The following COL6A5 variants were observed in gnomAD, a reference collection of about 807,000 sequenced individuals.
COL6A5 encodes collagen alpha-5(VI) chain.
In COL6A5, 48 loss-of-function variants were observed where a neutral mutation model predicts 65.6. The observed-to-expected ratio is 0.73, with a 90% CI of 0.58 to 0.93. The LOEUF is 0.93. COL6A5 is among the 40% of genes least tolerant of loss of function. The pLI, the probability that COL6A5 is intolerant of heterozygous loss-of-function variation, is 0.00. For missense variants in COL6A5, 914 were observed against 928.3 expected, an observed-to-expected ratio of 0.98 and a Z score of 0.20; for synonymous variants, 291 against 322.8, an observed-to-expected ratio of 0.90 and a Z score of 1.05.
At chr3:130,356,159 G>A (rs1170592758) in intron 1 of COL6A5, among the ~76,000 whole-genome samples, 3 of 152,034 alleles carry the variant, frequency 2.0e-5, no homozygotes, top group East Asian at 1.9e-4. Flanking sequence ...CAGTGATGGC[G>A]CAAGCGATAA....
chr3:130,362,314 ATATATATATATATTTTTTTTTTTTT>A (rs1935158143), intron 1 of COL6A5, among the ~76,000 whole-genome samples: 1 of 15,508 alleles, frequency 6.4e-5, no homozygotes, highest in African/African-American at 1.7e-4. Context: ...ATATATATAT[ATATATATATATATTTTTTTTTTTTT>A]TTTTTTTTGC....
intron 7 of COL6A5, among the ~76,000 whole-genome samples, chr3:130,477,695 G>A (rs533995913): frequency 3.9e-5 from 6 of 152,022 alleles, no homozygotes; most frequent in Non-Finnish European, 7.4e-5. Context: ...AAATTCTGGA[G>A]GTGGAGCCTC....
chr3:130,482,865 G>C (rs1404969166), intron 7 of COL6A5, among the ~76,000 whole-genome samples: 1 of 152,052 alleles, frequency 6.6e-6, no homozygotes, highest in Non-Finnish European at 1.5e-5. Context: ...TTGGTGTAAA[G>C]AAATGCTTGT....
At chr3:130,481,940 T>A (rs1577552550) in intron 7 of COL6A5, among the ~76,000 whole-genome samples, 1 of 152,332 alleles carries the variant, frequency 6.6e-6, no homozygotes, top group Middle Eastern at 3.4e-3. Context: ...AGATTCTAGG[T>A]ATTAGCCCTT....
At chr3:130,398,718 T>C (rs1450643733) in intron 10 of COL6A5, among the ~76,000 whole-genome samples, 1 of 152,072 alleles carries the variant, frequency 6.6e-6, no homozygotes, top group African/African-American at 2.4e-5. Context: ...ACGTTGGTGG[T>C]GGGGGCAGGG....
intron 4 of COL6A5, among the ~76,000 whole-genome samples, chr3:130,382,498 G>A (rs539883865): frequency 1.6e-4 from 25 of 152,216 alleles, no homozygotes; most frequent in African/African-American, 6.0e-4. Flanking sequence ...CTTTTGAGGA[G>A]CTTGTTAATA....
chr3:130,399,925 T>G (rs1225862018), intron 10 of COL6A5, among the ~76,000 whole-genome samples: 4 of 151,512 alleles, frequency 2.6e-5, no homozygotes, highest in Non-Finnish European at 5.9e-5. Context: ...GCTAAATTTT[T>G]TTTGTATTTT....
chr3:130,351,692 CT>C (rs1352366137), intron 1 of COL6A5, among the ~76,000 whole-genome samples: 1 of 152,194 alleles, frequency 6.6e-6, no homozygotes, highest in Non-Finnish European at 1.5e-5. Flanking sequence ...AATAGGAACA[CT>C]TTTACACTGT....
chr3:130,369,931 C>T (rs374735640), intron 1 of COL6A5, among the ~76,000 whole-genome samples: 22 of 152,256 alleles, frequency 1.4e-4, no homozygotes, highest in African/African-American at 5.3e-4. Flanking sequence ...CTTTGAATTC[C>T]CAGTCAGCCT....
chr3:130,353,097 C>T (rs552682620), intron 1 of COL6A5, among the ~76,000 whole-genome samples: 2 of 152,224 alleles, frequency 1.3e-5, no homozygotes, highest in East Asian at 1.9e-4. Context: ...TAGCTGACTG[C>T]AAAATAAATC....
At chr3:130,411,995 A>C (rs891658159) in intron 20 of COL6A5, among the ~76,000 whole-genome samples, 2 of 152,190 alleles carry the variant, frequency 1.3e-5, no homozygotes, top group Non-Finnish European at 2.9e-5. Context: ...AGTGGATGAT[A>C]AATTTTAAAC....
intron 7 of COL6A5, among the ~76,000 whole-genome samples, chr3:130,482,629 T>G (rs1377904742): frequency 6.6e-6 from 1 of 152,168 alleles, no homozygotes; most frequent in African/African-American, 2.4e-5. Flanking sequence ...TATAAATTAC[T>G]TTGGTCAGTA....
At chr3:130,398,089 A>C (rs1301045490) in exon 10 of COL6A5, 1 of 1,549,268 alleles carries the variant, frequency 6.5e-7, no homozygotes, top group Admixed American at 2.0e-5. Flanking sequence ...TTGAAAATCA[A>C]TCAGACAGGC....
At chr3:130,444,343 C>A (rs1336910429) in intron 4 of COL6A5, among the ~76,000 whole-genome samples, 1 of 151,802 alleles carries the variant, frequency 6.6e-6, no homozygotes, top group Non-Finnish European at 1.5e-5. Flanking sequence ...TAAAGACAGG[C>A]ATAGGAAATC....
At chr3:130,378,378 A>G (rs1263950664) in intron 3 of COL6A5, among the ~76,000 whole-genome samples, 1 of 152,126 alleles carries the variant, frequency 6.6e-6, no homozygotes, top group East Asian at 1.9e-4. Flanking sequence ...CATGCAATTT[A>G]TCCAGCTTTC....
intron 7 of COL6A5, chr3:130,477,009 C>A: frequency 9.1e-7 from 1 of 1,093,886 alleles, no homozygotes. Context: ...GACTGAGAAT[C>A]ACTGAGTTGT....
At chr3:130,349,489 T>G (rs1431457838) in intron 1 of COL6A5, among the ~76,000 whole-genome samples, 1 of 152,220 alleles carries the variant, frequency 6.6e-6, no homozygotes, top group East Asian at 1.9e-4. Flanking sequence ...CTAGTAGTTA[T>G]GATTATGTAA....
chr3:130,409,473 C>A, intron 18 of COL6A5, 85 bp downstream of exon 18: 40 of 1,154,888 alleles, frequency 3.5e-5, no homozygotes, highest in Non-Finnish European at 4.6e-5. Context: ...TCCTGCCTAC[C>A]CTGTAGGCAA....
At chr3:130,391,906 G>A (rs1289677665) in intron 7 of COL6A5, among the ~76,000 whole-genome samples, 152 bp downstream of exon 7, 1 of 152,114 alleles carries the variant, frequency 6.6e-6, no homozygotes, top group Non-Finnish European at 1.5e-5. Context: ...AAAAGAAATG[G>A]GTTGATTGAA....
Sources: gnomAD v4.1 joint callset for allele counts (sites outside exome capture counted in the v4.1 genomes callset) on GRCh38, gnomAD v4.1.1 for gene constraint, MANE v1.5 for transcripts, NCBI Gene and HGNC (gene_info 2026-07-23, HGNC 2026-07-21) for gene names.